The following CDH22 variants were observed in gnomAD, a reference collection of about 807,000 sequenced individuals.
CDH22 encodes cadherin 22.
A neutral mutation model predicts 58.4 loss-of-function variants in CDH22; 30 were observed. That is an observed-to-expected ratio of 0.51 (90% CI 0.38 to 0.70). CDH22 has a LOEUF of 0.70. Among genes scored for constraint, CDH22 ranks in the 30% least tolerant of loss-of-function variants. The pLI is 0.00. For synonymous variants in CDH22, 513 were observed against 558.2 expected (o/e 0.92, Z 1.14); for missense variants, 1,014 against 1,233.9 (o/e 0.82, Z 2.67).
intron 1 of CDH22, among the ~76,000 whole-genome samples, chr20:46,262,715 T>C (rs1022909441): frequency 4.6e-5 from 7 of 152,202 alleles, no homozygotes; most frequent in African/African-American, 1.7e-4. Flanking sequence ...TTGTGGAGTC[T>C]GGATTTGAAC....
chr20:46,181,609 TTCCC>T (rs929451365), intron 10 of CDH22, among the ~76,000 whole-genome samples: 14 of 142,622 alleles, frequency 9.8e-5, no homozygotes, highest in Non-Finnish European at 1.4e-4. Context: ...CCTTCCTTCC[TTCCC>T]TCCCTCCCTC....
chr20:46,227,324 C>T (rs952740549), intron 4 of CDH22, among the ~76,000 whole-genome samples, 184 bp downstream of exon 4: 3 of 152,234 alleles, frequency 2.0e-5, no homozygotes, highest in Non-Finnish European at 2.9e-5. Context: ...CGTCCATCTT[C>T]CTGCCTGGCT....
intron 3 of CDH22, among the ~76,000 whole-genome samples, chr20:46,236,581 A>G (rs906523982): frequency 1.4e-5 from 2 of 142,868 alleles, no homozygotes; most frequent in Non-Finnish European, 3.0e-5. Context: ...ATTATATATA[A>G]ATATAATATA....
Position 46,174,397 on chromosome 20 carries a change from A to C in CDH22, c.*109T>G. 1 of 710,630 alleles carries C rather than the reference A, an allele frequency of 1.4e-6. No homozygotes were observed. The highest frequency in any genetic ancestry group is 2.1e-6 in the Non-Finnish European group (1 of 465,394). 44.0% of individuals were successfully genotyped at this position (710,630 alleles called of 1,614,324 possible). A position where few individuals can be genotyped will look rare whatever the true frequency, so the allele number is the denominator to read the frequency against. On this transcript the variant is annotated 3_prime_UTR_variant, in exon 12 of 12. Coordinates refer to ENST00000537909, the MANE Select transcript of CDH22 (RefSeq NM_021248.3). The surrounding 1 kb of genome is among the most constrained non-coding windows in gnomAD (Gnocchi z 4.4). ...CCCCCCTCCGTCCAGCCGCCAAGGG[A>C]GGGTTGGGGGAGGGCAGGAAAGGGG...
chr20:46,230,778 C>T (rs1219724653), intron 3 of CDH22, among the ~76,000 whole-genome samples: 1 of 152,156 alleles, frequency 6.6e-6, no homozygotes, highest in African/African-American at 2.4e-5. Flanking sequence ...TCCATTTCCT[C>T]ATTAGTGAGA....
intron 8 of CDH22, among the ~76,000 whole-genome samples, chr20:46,188,517 G>A (rs1236846889): frequency 6.6e-6 from 1 of 152,120 alleles, no homozygotes; most frequent in Non-Finnish European, 1.5e-5. Flanking sequence ...TGCAACCTCA[G>A]GCATAAATGG....
intron 1 of CDH22, among the ~76,000 whole-genome samples, chr20:46,302,465 A>G (rs1266319669): frequency 6.6e-6 from 1 of 152,210 alleles, no homozygotes; most frequent in African/African-American, 2.4e-5. Context: ...GCTGCAGATG[A>G]CACAAGGCAG....
At position 46,210,417 on chromosome 20, in the gene CDH22, G is replaced by A. The variant is rs200454892; in HGVS notation, c.1176C>T (p.Pro392=). The A allele has an allele frequency of 7.8e-3, 11,431 of 1,458,462 alleles. 59 individuals carry two copies. The highest frequency in any genetic ancestry group is 9.4e-3 in the Non-Finnish European group (10,410 of 1,105,300). The allele number at this position is 1,458,462 out of a possible 1,614,324, so 90.3% of individuals were successfully genotyped here. A position where few individuals can be genotyped will look rare whatever the true frequency, so the allele number is the denominator to read the frequency against. ...RVAVTDVDEP[P]EFRPPSGLLE... ...GGAGGCCGGAGGGCGGCCGGAACTC[G>A]GGGGGCTCGTCCACGTCGGTCACGG... Residue 392 remains proline (P), a synonymous_variant, in exon 7 of 12, where the codon CCC becomes CCT. Coordinates refer to ENST00000537909, the MANE Select transcript of CDH22 (RefSeq NM_021248.3). The surrounding 1 kb of genome is among the most constrained non-coding windows in gnomAD (Gnocchi z 4.5).
intron 1 of CDH22, among the ~76,000 whole-genome samples, chr20:46,299,439 A>G (rs957717502): frequency 1.3e-5 from 2 of 152,186 alleles, no homozygotes; most frequent in African/African-American, 2.4e-5. Flanking sequence ...TAGGGTCCTG[A>G]TGGTGGGAGG....
At chr20:46,195,405 G>T (rs2085892042) in intron 8 of CDH22, among the ~76,000 whole-genome samples, 1 of 152,214 alleles carries the variant, frequency 6.6e-6, no homozygotes, top group Non-Finnish European at 1.5e-5. Context: ...GTGGCATGAA[G>T]GGAAAAGCAG....
intron 8 of CDH22, among the ~76,000 whole-genome samples, chr20:46,188,587 T>C: frequency 6.6e-6 from 1 of 152,202 alleles, no homozygotes; most frequent in East Asian, 1.9e-4. Context: ...TGAAACTGTG[T>C]GTACAACACG....
At chr20:46,268,804 TCCCCCATTATATAGATGGG>T (rs938720056) in intron 1 of CDH22, among the ~76,000 whole-genome samples, 123 of 152,116 alleles carry the variant, frequency 8.1e-4, no homozygotes, top group African/African-American at 2.9e-3. Flanking sequence ...AACCATCATT[TCCCCCATTATATAGATGGG>T]CAAACTGGGG....
At position 46,251,147 on chromosome 20, in the gene CDH22, G is replaced by A. The variant is rs1442503402; in HGVS notation, c.148C>T (p.Arg50Trp). 3 of 1,595,852 alleles carry A rather than the reference G, an allele frequency of 1.9e-6. No individual in the cohort carries two copies. Among genetic ancestry groups the A allele is most frequent in the African/African-American group, 1.4e-5 (1 of 72,618 alleles). ...CCGGCTCCCAGCGCGCCGTCCTGCCGAGCTCCGGGCGCCGACGGCGAGGGT... is the reference window on the plus strand; with the variant it reads ...CCGGCTCCCAGCGCGCCGTCCTGCCAAGCTCCGGGCGCCGACGGCGAGGGT... ...GTPSPSAPGA[R>W]QDGALGAGRV... is the part of the protein sequence containing the mutation. The change falls in exon 2 of 12, where the codon CGG (arginine) becomes TGG (tryptophan). Residue 50 changes from arginine (R) to tryptophan (W), a missense_variant. Transcript: ENST00000537909. This position sits in a 1 kb window ranked among gnomAD's most constrained non-coding sequence, Gnocchi z 6.7.
chr20:46,217,353 T>C (rs2086093357), intron 4 of CDH22, among the ~76,000 whole-genome samples: 1 of 152,018 alleles, frequency 6.6e-6, no homozygotes, highest in Admixed American at 6.5e-5. Flanking sequence ...CACATACACT[T>C]CTACAGATAC....
chr20:46,273,960 G>A (rs1453722080), intron 1 of CDH22, among the ~76,000 whole-genome samples: 1 of 152,348 alleles, frequency 6.6e-6, no homozygotes, highest in African/African-American at 2.4e-5. Flanking sequence ...TGGGAGGAGG[G>A]AAGAGCAGGG....
In CDH22 at chr20:46,224,364, T is replaced by C. The variant is rs546342513; in HGVS notation, c.670+3144A>G. 2.6e-5 allele frequency among the ~76,000 whole-genome samples: 4 copies of C among 152,328 alleles called. 1 individual carries two copies. The South Asian group carries it at 6.2e-4, about 24-fold the overall frequency. On this transcript the variant is annotated intron_variant, in intron 4 of 11. Transcript: ENST00000537909. ...ATAATAGGCACTCAATAAATAGTGG[T>C]TGAATGAATGAGTGAACTGTCCCAT...
At chr20:46,307,616 G>A (rs2059029870) in intron 1 of CDH22, among the ~76,000 whole-genome samples, 1 of 152,074 alleles carries the variant, frequency 6.6e-6, no homozygotes, top group African/African-American at 2.4e-5. Context: ...CGGTGGGGCC[G>A]GCAGGGGTCC....
intron 8 of CDH22, among the ~76,000 whole-genome samples, chr20:46,189,438 C>G (rs6104496): frequency 0.044 from 6,762 of 152,136 alleles, 436 homozygotes; most frequent in East Asian, 0.33. Context: ...AGGGGGCGGC[C>G]AGGGCCTGAG....
intron 1 of CDH22, among the ~76,000 whole-genome samples, chr20:46,263,610 C>T (rs994044042): frequency 2.6e-5 from 4 of 152,082 alleles, no homozygotes; most frequent in African/African-American, 9.7e-5. Flanking sequence ...GGAACAGTTC[C>T]CTGAGAAGGG....
Sources: gnomAD v4.1 joint callset for allele counts (sites outside exome capture counted in the v4.1 genomes callset) on GRCh38, gnomAD v4.1.1 for gene constraint, Gnocchi (gnomAD v3.1) non-coding constraint, MANE v1.5 for transcripts, NCBI Gene and HGNC (gene_info 2026-07-23, HGNC 2026-07-21) for gene names.